Variants in SCML2 observed in about 807,000 individuals in gnomAD.
SCML2 encodes Scm polycomb group protein like 2.
Under a neutral mutation model 48.4 loss-of-function variants are expected in SCML2, and 6 were observed. That is an observed-to-expected ratio of 0.12 (90% CI 0.07 to 0.24). The LOEUF (loss-of-function observed/expected upper bound fraction) is 0.24. Among genes scored for constraint, SCML2 ranks in the 10% least tolerant of loss-of-function variants. The pLI is 1.00. For missense variants in SCML2, 377 were observed against 528.2 expected, an observed-to-expected ratio of 0.71 and a Z score of 2.81; for synonymous variants, 181 against 189.5, an observed-to-expected ratio of 0.95 and a Z score of 0.37.
chrX:18,257,107 A>T (rs1222958276), intron 10 of SCML2, 77 bp from the exon 11 acceptor site: 4 of 637,396 alleles, frequency 6.3e-6, no homozygotes, highest in Non-Finnish European at 9.1e-6. Flanking sequence ...AAAAACTATC[A>T]CCTTAGGAAA....
At position 18,307,054 on chromosome X, in the gene SCML2, A is replaced by C. The variant is rs180944134; in HGVS notation, c.487-1839T>G. Among the ~76,000 whole-genome samples, 81 of 111,224 alleles carry C rather than the reference A, an allele frequency of 7.3e-4. 1 individual carries two copies. The highest frequency in any genetic ancestry group is 2.6e-3 in the African/African-American group (80 of 30,588). On this transcript the variant is annotated intron_variant, in intron 6 of 14. Coordinates refer to ENST00000251900, the MANE Select transcript of SCML2 (RefSeq NM_006089.3). The stretch of plus-strand genomic sequence containing the variant: ...ATTCAGCACTTTGGGAGGCCAAGGC[A>C]GGTGGATTGCTTGAGCTCAGGAGTT...
chrX:18,250,517 G>A (rs1459508239), intron 11 of SCML2, among the ~76,000 whole-genome samples: 2 of 109,802 alleles, frequency 1.8e-5, no homozygotes, highest in Non-Finnish European at 3.8e-5. Context: ...GAGTAGCTGG[G>A]ACTACAGGCA....
intron 1 of SCML2, chrX:18,341,285 C>A: frequency 1.8e-6 from 1 of 550,922 alleles, no homozygotes; most frequent in Non-Finnish European, 2.8e-6. Context: ...AACAGAGATG[C>A]AGGAGAACAC....
At chrX:18,262,111 G>A (rs1307411185) in intron 8 of SCML2, among the ~76,000 whole-genome samples, 6 of 107,947 alleles carry the variant, frequency 5.6e-5, no homozygotes, top group Admixed American at 9.8e-5. Flanking sequence ...ATATCGGATG[G>A]CTGAACTCAG....
intron 7 of SCML2, among the ~76,000 whole-genome samples, chrX:18,303,300 A>G (rs1293384430): frequency 8.9e-6 from 1 of 111,970 alleles, no homozygotes; most frequent in Non-Finnish European, 1.9e-5. Context: ...AAAAAAAGAG[A>G]GAAGAAATAC....
At chrX:18,340,104 A>G (rs1357750785) in intron 1 of SCML2, among the ~76,000 whole-genome samples, 2 of 112,522 alleles carry the variant, frequency 1.8e-5, no homozygotes, top group Admixed American at 1.9e-4. Context: ...GAAATGTACA[A>G]TGAATAATAA....
intron 6 of SCML2, among the ~76,000 whole-genome samples, chrX:18,307,103 C>T (rs1393918713): frequency 5.4e-5 from 6 of 110,932 alleles, no homozygotes; most frequent in Admixed American, 9.6e-5. Flanking sequence ...GGCAACAAGA[C>T]GAAACCTCGT....
At chrX:18,330,071 C>G (rs1929606114) in intron 3 of SCML2, among the ~76,000 whole-genome samples, 1 of 111,826 alleles carries the variant, frequency 8.9e-6, no homozygotes, top group Non-Finnish European at 1.9e-5. Context: ...CAGCGAGACT[C>G]TGTCTCAAAG....
Position 18,341,909 on chromosome X carries a change from GGAAGA to G in SCML2, c.-24-7819_-24-7815del. 1.8e-5 allele frequency among the ~76,000 whole-genome samples: 2 copies of G among 112,179 alleles called. 1 individual carries two copies. The highest frequency in any genetic ancestry group is 5.6e-4 in the East Asian group (2 of 3,586). On this transcript the variant is annotated intron_variant, in intron 1 of 14. Transcript: ENST00000251900. ...AAGGATGGAGATTATAGATGTAAAG[GGAAGA>G]GAAGAGTACTATAATCTATTGGTAA...
At position 18,280,163 on chromosome X, in the gene SCML2, C is replaced by A. The variant is rs150425880; in HGVS notation, c.731-14361G>T. Among the ~76,000 whole-genome samples the A allele has an allele frequency of 3.2e-3, 353 of 111,478 alleles. 3 individuals are homozygous for A. Among genetic ancestry groups the A allele is most frequent in the African/African-American group, 0.011 (345 of 30,707 alleles). On this transcript the variant is annotated intron_variant, in intron 7 of 14. Transcript: ENST00000251900. The stretch of plus-strand genomic sequence containing the variant: ...GAATCCCATCAGACTATCAGTAGAC[C>A]CTCAGCAGAAACCTTACAAGCCAGA...
chrX:18,300,783 T>A (rs1602117701), intron 7 of SCML2, among the ~76,000 whole-genome samples: 1 of 97,148 alleles, frequency 1.0e-5, no homozygotes, highest in African/African-American at 3.9e-5. Context: ...GGAGCAAGAC[T>A]CCGTTTCAAA....
At chrX:18,351,640 T>A (rs1930378211) in intron 1 of SCML2, among the ~76,000 whole-genome samples, 2 of 80,320 alleles carry the variant, frequency 2.5e-5, no homozygotes, top group African/African-American at 5.1e-5. Context: ...GGAATGAGAA[T>A]AGAGGGAGAA....
At chrX:18,331,150 C>CT (rs1229422385) in intron 2 of SCML2, among the ~76,000 whole-genome samples, 10 of 105,497 alleles carry the variant, frequency 9.5e-5, no homozygotes, top group African/African-American at 3.5e-4. Flanking sequence ...ATCCCAGCTA[C>CT]TCGGGCAGCT....
chrX:18,315,745 G>C (rs767007686), intron 6 of SCML2, among the ~76,000 whole-genome samples: 1 of 111,886 alleles, frequency 8.9e-6, no homozygotes, highest in Admixed American at 9.5e-5. Flanking sequence ...TTGTGGCCAA[G>C]GATAAGTGTT....
chrX:18,277,796 G>A (rs1461865500), intron 7 of SCML2, among the ~76,000 whole-genome samples: 1 of 111,247 alleles, frequency 9.0e-6, no homozygotes, highest in Non-Finnish European at 1.9e-5. Context: ...ATATCGACAT[G>A]CCCTTCCTTA....
intron 7 of SCML2, among the ~76,000 whole-genome samples, chrX:18,292,301 AAAGTTATC>A (rs1179714126): frequency 8.9e-6 from 1 of 111,864 alleles, no homozygotes; most frequent in African/African-American, 3.2e-5. Flanking sequence ...TTAACCTAGC[AAAGTTATC>A]TATGGAAACA....
chrX:18,296,718 G>C (rs1239323043), intron 7 of SCML2, among the ~76,000 whole-genome samples: 1 of 111,350 alleles, frequency 9.0e-6, no homozygotes, highest in Non-Finnish European at 1.9e-5. Flanking sequence ...AGAAAACCTT[G>C]ACAGACCAAT....
chrX:18,315,748 T>C (rs1929102121), intron 6 of SCML2, among the ~76,000 whole-genome samples: 1 of 112,153 alleles, frequency 8.9e-6, no homozygotes, highest in Non-Finnish European at 1.9e-5. Flanking sequence ...TGGCCAAGGA[T>C]AAGTGTTTCA....
intron 8 of SCML2, among the ~76,000 whole-genome samples, chrX:18,264,968 C>G (rs948407079): frequency 9.0e-6 from 1 of 111,583 alleles, no homozygotes; most frequent in African/African-American, 3.3e-5. Context: ...TTCTGGTTTC[C>G]CTAGGCCAGA....
Sources: gnomAD v4.1 joint callset for allele counts (sites outside exome capture counted in the v4.1 genomes callset) on GRCh38, gnomAD v4.1.1 for gene constraint, MANE v1.5 for transcripts, NCBI Gene and HGNC (gene_info 2026-07-23, HGNC 2026-07-21) for gene names.